Variants in PDE1A observed in about 807,000 individuals in gnomAD.
The protein encoded by PDE1A is phosphodiesterase 1A, also known as dual specificity calcium/calmodulin-dependent 3',5'-cyclic nucleotide phosphodiesterase 1A.
In PDE1A, 35 loss-of-function variants were observed where a neutral mutation model predicts 61.7. That is an observed-to-expected ratio of 0.57 (90% confidence interval 0.43 to 0.75). The LOEUF (loss-of-function observed/expected upper bound fraction) is 0.75, where lower values mean the gene tolerates loss of function less well. Among genes scored for constraint, PDE1A ranks in the 30% least tolerant of loss-of-function variants. The pLI, the probability that PDE1A is intolerant of heterozygous loss-of-function variation, is 0.00. For synonymous variants in PDE1A, 232 were observed against 213.2 expected (o/e 1.09, Z -0.77); for missense variants, 597 against 630.6 (o/e 0.95, Z 0.57).
chr2:182,503,998 C>A (rs1277364926), intron 2 of PDE1A, among the ~76,000 whole-genome samples: 1 of 152,152 alleles, frequency 6.6e-6, no homozygotes. Flanking sequence ...CAAAGTATCT[C>A]AATGTTTTTA....
chr2:182,255,999 C>T (rs1358523172), intron 2 of PDE1A, among the ~76,000 whole-genome samples: 3 of 145,442 alleles, frequency 2.1e-5, no homozygotes, highest in Non-Finnish European at 3.0e-5. Context: ...CAATGTTTGG[C>T]TATTTCTCTC....
intron 1 of PDE1A, among the ~76,000 whole-genome samples, chr2:182,383,935 C>A (rs920899908): frequency 6.6e-6 from 1 of 152,164 alleles, no homozygotes; most frequent in African/African-American, 2.4e-5. Flanking sequence ...GGGAAGACTT[C>A]TATAGTCTCA....
At chr2:182,277,192 C>G (rs1230285178) in intron 1 of PDE1A, among the ~76,000 whole-genome samples, 1 of 151,962 alleles carries the variant, frequency 6.6e-6, no homozygotes, top group African/African-American at 2.4e-5. Context: ...TCGTACATAC[C>G]ATCCCCCTTT....
rs1321406201 is a variant in PDE1A at position 182,385,619 on chromosome 2, CAGAAAGAAAGAAAGAAAGAAGA to C, written c.53+40937_53+40958del. On this transcript the variant is annotated intron_variant, in intron 1 of 13. Coordinates refer to ENST00000351439, the Ensembl canonical transcript of PDE1A. Reference sequence around the variant, plus strand: ...AAGAAAAATGCTTAGATGAAAGAAACAGAAAGAAAGAAAGAAAGAAGAAGAAAGAAAGAAAGAAAGAAGAAAA... The same window carrying C: ...AAGAAAAATGCTTAGATGAAAGAAACAGAAAGAAAGAAAGAAAGAAGAAAA... Among the ~76,000 whole-genome samples, 3 of 39,048 alleles carry C rather than the reference CAGAAAGAAAGAAAGAAAGAAGA, an allele frequency of 7.7e-5. 1 individual carries two copies. Among genetic ancestry groups the C allele is most frequent in the Non-Finnish European group, 1.5e-4 (3 of 19,734 alleles). The allele number at this position is 39,048 out of a possible 152,430, so 25.6% of individuals were successfully genotyped here.
chr2:182,519,147 A>G (rs1574847975), intron 2 of PDE1A, among the ~76,000 whole-genome samples: 1 of 152,150 alleles, frequency 6.6e-6, no homozygotes, highest in East Asian at 1.9e-4. Flanking sequence ...ATGTTTTCTT[A>G]GTATGTAGGA....
At chr2:182,457,060 C>A (rs189430376) in intron 2 of PDE1A, among the ~76,000 whole-genome samples, 2 of 152,196 alleles carry the variant, frequency 1.3e-5, no homozygotes, top group Non-Finnish European at 2.9e-5. Context: ...GAAAACCAGA[C>A]AGTCTGGACT....
intron 1 of PDE1A, among the ~76,000 whole-genome samples, chr2:182,283,361 T>C (rs1693943094): frequency 2.6e-5 from 4 of 151,920 alleles, no homozygotes; most frequent in African/African-American, 9.7e-5. Context: ...TAGTCCACCT[T>C]ATCAATATGA....
At chr2:182,459,372 T>C (rs1049834101) in intron 2 of PDE1A, among the ~76,000 whole-genome samples, 1 of 152,142 alleles carries the variant, frequency 6.6e-6, no homozygotes, top group Non-Finnish European at 1.5e-5. Context: ...TGAGAGGAAG[T>C]TGGACAATAA....
chr2:182,169,105 G>A (rs1691884692), intron 13 of PDE1A, among the ~76,000 whole-genome samples: 1 of 151,760 alleles, frequency 6.6e-6, no homozygotes, highest in Admixed American at 6.6e-5. Context: ...ATAAGCATTT[G>A]GTAAACTCAT....
At chr2:182,208,112 G>T (rs539584548) in intron 7 of PDE1A, among the ~76,000 whole-genome samples, 1 of 152,312 alleles carries the variant, frequency 6.6e-6, no homozygotes, top group East Asian at 1.9e-4. Context: ...GAAATGTGGG[G>T]TTAGAGTCCC....
intron 13 of PDE1A, among the ~76,000 whole-genome samples, chr2:182,159,959 A>T (rs1177891072): frequency 1.3e-5 from 2 of 152,150 alleles, no homozygotes; most frequent in Non-Finnish European, 2.9e-5. Context: ...TCTCAAATTA[A>T]AAAAAAGAAT....
At chr2:182,267,444 C>T (rs931688417) in intron 1 of PDE1A, among the ~76,000 whole-genome samples, 1 of 151,362 alleles carries the variant, frequency 6.6e-6, no homozygotes, top group African/African-American at 2.4e-5. Context: ...CACACACACA[C>T]ACACACACAC....
the PDE1A span, among the ~76,000 whole-genome samples, chr2:182,663,389 C>T: frequency 1.3e-5 from 2 of 152,106 alleles, no homozygotes; most frequent in South Asian, 4.1e-4. Flanking sequence ...TTCATTGCAG[C>T]ACTATTAATA....
chr2:182,589,240 A>T, the PDE1A span, among the ~76,000 whole-genome samples: 1 of 132,440 alleles, frequency 7.6e-6, no homozygotes, highest in South Asian at 2.6e-4. Context: ...AAAAAAGGGG[A>T]AAAAAAGAAA....
chr2:182,647,547 A>T, the PDE1A span, among the ~76,000 whole-genome samples: 3 of 152,208 alleles, frequency 2.0e-5, no homozygotes, highest in Admixed American at 6.5e-5. Flanking sequence ...TGAGATAGTT[A>T]TTGAGACAGA....
the PDE1A span, among the ~76,000 whole-genome samples, chr2:182,646,430 C>CCAA: frequency 6.7e-6 from 1 of 150,102 alleles, no homozygotes; most frequent in African/African-American, 2.5e-5. Flanking sequence ...TGGCTCACAC[C>CCAA]TGTAATCCCA....
At chr2:182,250,616 C>A (rs1406333075) in intron 2 of PDE1A, among the ~76,000 whole-genome samples, 1 of 152,028 alleles carries the variant, frequency 6.6e-6, no homozygotes, top group East Asian at 1.9e-4. Flanking sequence ...GTATTGTTAG[C>A]CTCTCCTCGA....
chr2:182,535,148 T>C, the PDE1A span, among the ~76,000 whole-genome samples: 6 of 152,110 alleles, frequency 3.9e-5, no homozygotes, highest in African/African-American at 1.4e-4. Flanking sequence ...AGTCTATTTT[T>C]ATGTAAGTCC....
chr2:182,594,746 G>C, the PDE1A span, among the ~76,000 whole-genome samples: 1 of 152,196 alleles, frequency 6.6e-6, no homozygotes, highest in Non-Finnish European at 1.5e-5. Flanking sequence ...TTTAAAAGTT[G>C]TTTTTAAGCA....
Sources: allele counts gnomAD v4.1 joint callset (sites outside exome capture counted in the v4.1 genomes callset), GRCh38; gene constraint gnomAD v4.1.1; transcripts MANE v1.5; gene names NCBI Gene and HGNC (gene_info 2026-07-23, HGNC 2026-07-21).